Variants in RPH3A observed in about 807,000 individuals in gnomAD.
RPH3A encodes the protein rabphilin-3A.
A neutral mutation model predicts 102.2 loss-of-function variants in RPH3A; 48 were observed. The ratio of observed to expected loss-of-function variants is 0.47; its 90% confidence interval spans 0.37 to 0.60. The LOEUF (loss-of-function observed/expected upper bound fraction) is 0.60, where lower values mean the gene tolerates loss of function less well. RPH3A is among the 20% of genes least tolerant of loss of function. The probability of loss-of-function intolerance (pLI) is 0.00; values close to 1 mark genes in which losing one functional copy is unlikely to be tolerated. For synonymous variants in RPH3A, 310 were observed against 324.3 expected (o/e 0.96, Z 0.47); for missense variants, 781 against 910.1 (o/e 0.86, Z 1.83).
chr12:112,894,921 A>G (rs1274726543), intron 20 of RPH3A, among the ~76,000 whole-genome samples: 1 of 152,154 alleles, frequency 6.6e-6, no homozygotes, highest in Non-Finnish European at 1.5e-5. Context: ...CACTGTGAAC[A>G]CATGTGGGGG....
intron 1 of RPH3A, among the ~76,000 whole-genome samples, chr12:112,712,983 C>T (rs73196550): frequency 0.11 from 10,651 of 95,756 alleles, 1,173 homozygotes; most frequent in South Asian, 0.16. Flanking sequence ...CTTTCTTCTT[C>T]GTCGTCTTTG....
At chr12:112,578,613 T>C (rs1469316133) in intron 1 of RPH3A, among the ~76,000 whole-genome samples, 1 of 152,228 alleles carries the variant, frequency 6.6e-6, no homozygotes, top group East Asian at 1.9e-4. Context: ...TGATATGCCC[T>C]ATGAACTTCA....
intron 1 of RPH3A, among the ~76,000 whole-genome samples, chr12:112,578,423 C>A (rs893356090): frequency 1.3e-5 from 2 of 151,964 alleles, no homozygotes; most frequent in Non-Finnish European, 2.9e-5. Context: ...CAAAAAGCAA[C>A]AAAACAAAAC....
intron 1 of RPH3A, among the ~76,000 whole-genome samples, chr12:112,643,036 A>G (rs1366712730): frequency 6.6e-6 from 1 of 152,196 alleles, no homozygotes. Context: ...CCAAAATGTC[A>G]ATAGCTCTAA....
At chr12:112,836,379 C>A in intron 3 of RPH3A, 112 bp from the exon 4 acceptor site, 3 of 502,922 alleles carry the variant, frequency 6.0e-6, no homozygotes, top group South Asian at 7.1e-5. Context: ...GGAAGTAGGT[C>A]ATCATAATTC....
intron 1 of RPH3A, among the ~76,000 whole-genome samples, chr12:112,661,903 G>C (rs189359673): frequency 8.5e-5 from 13 of 152,238 alleles, no homozygotes; most frequent in Admixed American, 3.9e-4. Context: ...TTTTGGGTTG[G>C]TGGCCATCGC....
chr12:112,750,981 T>C (rs891060784), intron 1 of RPH3A, among the ~76,000 whole-genome samples: 1 of 151,936 alleles, frequency 6.6e-6, no homozygotes, highest in African/African-American at 2.4e-5. Flanking sequence ...GAGAGACAGA[T>C]GGAAGAGGAA....
intron 2 of RPH3A, among the ~76,000 whole-genome samples, chr12:112,817,447 C>T (rs1476886921): frequency 2.6e-5 from 4 of 150,962 alleles, no homozygotes; most frequent in African/African-American, 9.8e-5. Context: ...TCTGGGAAGA[C>T]ACCCCCACCC....
At chr12:112,604,892 C>T (rs2039584165) in intron 1 of RPH3A, among the ~76,000 whole-genome samples, 1 of 152,238 alleles carries the variant, frequency 6.6e-6, no homozygotes, top group Admixed American at 6.5e-5. Flanking sequence ...TGGCCACCCC[C>T]AGAGTGAGCA....
intron 1 of RPH3A, among the ~76,000 whole-genome samples, chr12:112,611,033 A>G (rs2039635804): frequency 6.6e-6 from 1 of 152,216 alleles, no homozygotes; most frequent in Non-Finnish European, 1.5e-5. Flanking sequence ...CATCTTGTTC[A>G]TGGCTGTTTT....
chr12:112,865,618 G>T, intron 6 of RPH3A, 75 bp downstream of exon 6: 1 of 1,492,384 alleles, frequency 6.7e-7, no homozygotes, highest in African/African-American at 1.5e-5. Context: ...CAGCTGTAGG[G>T]GTCACTGGGT....
chr12:112,883,473 G>A, intron 16 of RPH3A, 71 bp downstream of exon 16: 8 of 1,094,160 alleles, frequency 7.3e-6, no homozygotes, highest in South Asian at 1.3e-5. Context: ...GAGACTTGGG[G>A]TGAGGCCCCC....
At chr12:112,850,852 A>C (rs2136194392) in intron 5 of RPH3A, 1 of 152,252 alleles carries the variant, frequency 6.6e-6, no homozygotes, top group Non-Finnish European at 1.5e-5. Flanking sequence ...CACCCATCAA[A>C]TGACTCAGTC....
At chr12:112,818,089 G>A (rs2041709281) in intron 2 of RPH3A, among the ~76,000 whole-genome samples, 1 of 152,062 alleles carries the variant, frequency 6.6e-6, no homozygotes, top group Non-Finnish European at 1.5e-5. Context: ...GAGGCGGGCA[G>A]ATCACGAGGT....
At chr12:112,757,422 A>G (rs892118154) in intron 1 of RPH3A, among the ~76,000 whole-genome samples, 4 of 152,194 alleles carry the variant, frequency 2.6e-5, no homozygotes, top group African/African-American at 9.7e-5. Flanking sequence ...TACTATAATT[A>G]ACAATTTATT....
In RPH3A at chr12:112,700,327, C is replaced by T. The variant is rs149954978; in HGVS notation, c.-139-91816C>T. ...CAAGTGATCCACCCACCTCTGCTTC[C>T]CCAAGTGAATTCTTAATATAATGAT... On this transcript the variant is annotated intron_variant, in intron 1 of 21. Coordinates refer to the RPH3A transcript ENST00000543106. Among the ~76,000 whole-genome samples the T allele has an allele frequency of 2.1e-3, 314 of 152,180 alleles. 2 individuals carry two copies. Among genetic ancestry groups the T allele is most frequent in the African/African-American group, 7.1e-3 (293 of 41,504 alleles).
At chr12:112,880,980 C>T (rs1408940295) in intron 14 of RPH3A, among the ~76,000 whole-genome samples, 5 of 151,976 alleles carry the variant, frequency 3.3e-5, no homozygotes, top group Non-Finnish European at 5.9e-5. Context: ...GGAAGAGGAG[C>T]GGTTGGTCTT....
At chr12:112,616,132 T>C (rs2039677212) in intron 1 of RPH3A, among the ~76,000 whole-genome samples, 1 of 152,112 alleles carries the variant, frequency 6.6e-6, no homozygotes, top group African/African-American at 2.4e-5. Flanking sequence ...CTCTGATAAA[T>C]GGATCCATTC....
At chr12:112,723,140 G>A (rs1006758313) in intron 1 of RPH3A, among the ~76,000 whole-genome samples, 1 of 152,170 alleles carries the variant, frequency 6.6e-6, no homozygotes, top group Non-Finnish European at 1.5e-5. Context: ...CCCTTGAGCA[G>A]TGTAGGGATT....
Sources: allele counts gnomAD v4.1 joint callset (sites outside exome capture counted in the v4.1 genomes callset), GRCh38; gene constraint gnomAD v4.1.1; transcripts MANE v1.5; gene names NCBI Gene and HGNC (gene_info 2026-07-23, HGNC 2026-07-21).